HNF4A: variants seen among roughly 807,000 people sequenced by gnomAD.
The protein encoded by HNF4A is hepatocyte nuclear factor 4 alpha, also known as hepatocyte nuclear factor 4-alpha.
A neutral mutation model predicts 52.4 loss-of-function variants in HNF4A; 15 were observed. The observed-to-expected ratio is 0.29, with a 90% CI of 0.19 to 0.44. The LOEUF (loss-of-function observed/expected upper bound fraction) is 0.44. Among genes scored for constraint, HNF4A ranks in the 20% least tolerant of loss-of-function variants. The probability of loss-of-function intolerance (pLI) is 1.00; values close to 1 mark genes in which losing one functional copy is unlikely to be tolerated. For synonymous variants in HNF4A, 280 were observed against 264.4 expected, an observed-to-expected ratio of 1.06 and a Z score of -0.57; for missense variants, 479 against 647.2, an observed-to-expected ratio of 0.74 and a Z score of 2.82.
intron 7 of HNF4A, among the ~76,000 whole-genome samples, chr20:44,422,131 T>C (rs2063754934): frequency 6.6e-6 from 1 of 152,076 alleles, no homozygotes; most frequent in Admixed American, 6.6e-5. Context: ...TCAGACCACC[T>C]GTCAATCCCA....
chr20:44,412,133 G>A (rs987139863), intron 3 of HNF4A, among the ~76,000 whole-genome samples: 1 of 152,172 alleles, frequency 6.6e-6, no homozygotes, highest in African/African-American at 2.4e-5. Flanking sequence ...TATTCATTGA[G>A]TACCTACTGT....
rs1166889743 is a variant in HNF4A at position 44,432,126 on chromosome 20, G to A, written c.*2461G>A. On this transcript the variant is annotated 3_prime_UTR_variant, in exon 10 of 10. Transcript: ENST00000316099. ...GCTCAGACCTCTGTCTTGGGAGAAA[G>A]GTTGAGATAAGAATGTCCCATGGAG... 6.6e-6 allele frequency: 1 copy of A among 152,158 alleles called. No homozygotes were observed. The highest frequency in any genetic ancestry group is 1.5e-5 in the Non-Finnish European group (1 of 68,032). 9.4% of individuals were successfully genotyped at this position (152,158 alleles called of 1,614,324 possible).
intron 1 of HNF4A, among the ~76,000 whole-genome samples, chr20:44,356,373 G>T (rs770629398): frequency 5.3e-5 from 8 of 152,164 alleles, no homozygotes; most frequent in Non-Finnish European, 1.2e-4. Flanking sequence ...AATATCTTGT[G>T]CGGACGTGTG....
chr20:44,403,631 A>T (rs1309813735), intron 1 of HNF4A, among the ~76,000 whole-genome samples: 1 of 152,210 alleles, frequency 6.6e-6, no homozygotes, highest in Non-Finnish European at 1.5e-5. Context: ...CCAATGGAGC[A>T]GCAGCCCTGG....
intron 1 of HNF4A, among the ~76,000 whole-genome samples, chr20:44,404,815 G>GT (rs1568720093): frequency 0.022 from 11 of 510 alleles, 1 homozygote; most frequent in East Asian, 0.05. Flanking sequence ...TGGACTGTGT[G>GT]GTGTGTGTGA....
intron 7 of HNF4A, among the ~76,000 whole-genome samples, chr20:44,421,784 TA>T (rs1303071527): frequency 6.8e-6 from 1 of 146,486 alleles, no homozygotes; most frequent in Non-Finnish European, 1.5e-5. Flanking sequence ...TATATATATA[TA>T]ATATATATTA....
At chr20:44,379,653 G>A (rs1413720332) in intron 1 of HNF4A, among the ~76,000 whole-genome samples, 1 of 151,784 alleles carries the variant, frequency 6.6e-6, no homozygotes, top group Admixed American at 6.6e-5. Context: ...CAGGGTTCAA[G>A]CGATTCTCCT....
At position 44,383,822 on chromosome 20, in the gene HNF4A, G is replaced by A. The variant is rs759870832; in HGVS notation, c.50-22236G>A. ...GCCCACCTCAGCCCCCCAAACTGCT[G>A]GGATTACAGGCATGAGCCACCGCAC... On this transcript the variant is annotated intron_variant, in intron 1 of 9. Transcript: ENST00000316673. 2.5e-4 allele frequency among the ~76,000 whole-genome samples: 38 copies of A among 151,240 alleles called. 1 individual carries two copies. The highest frequency in any genetic ancestry group is 6.6e-4 in the Admixed American group (10 of 15,106).
chr20:44,428,840 G>C (rs3818247), intron 9 of HNF4A, among the ~76,000 whole-genome samples: 4 of 151,884 alleles, frequency 2.6e-5, no homozygotes, highest in African/African-American at 9.7e-5. Context: ...TAGACAATTA[G>C]ATGAGACTAC....
rs552472519 is a variant in HNF4A at position 44,366,922 on chromosome 20, C to T, written c.49+11069C>T. 3.3e-5 allele frequency among the ~76,000 whole-genome samples: 5 copies of T among 152,260 alleles called. No homozygotes were observed. In the South Asian group the frequency reaches 8.3e-4, roughly 25 times the overall value. ...AAGTGTCTAGGGCTTGGGGGCCACA[C>T]ACTAAACCTGGCATCAGAAGGCCCA... On this transcript the variant is annotated intron_variant, in intron 1 of 9. Transcript: ENST00000316673.
chr20:44,396,638 C>G (rs1302379177), upstream of HNF4A, among the ~76,000 whole-genome samples: 1 of 152,174 alleles, frequency 6.6e-6, no homozygotes, highest in East Asian at 1.9e-4. Flanking sequence ...CTGGAGCTGT[C>G]CTGAGCAGGG....
At chr20:44,391,790 A>G (rs1035171453) in intron 1 of HNF4A, among the ~76,000 whole-genome samples, 1 of 152,218 alleles carries the variant, frequency 6.6e-6, no homozygotes, top group Non-Finnish European at 1.5e-5. Context: ...TCTGGTCTGT[A>G]TAAAGAAACC....
At chr20:44,393,522 C>G (rs2063324983) in intron 1 of HNF4A, among the ~76,000 whole-genome samples, 1 of 152,224 alleles carries the variant, frequency 6.6e-6, no homozygotes, top group African/African-American at 2.4e-5. Context: ...AGACAGACTG[C>G]CCAAGTTCCA....
At position 44,379,576 on chromosome 20, in the gene HNF4A, T is replaced by C. The variant is rs1324830100; in HGVS notation, c.49+23723T>C. Among the ~76,000 whole-genome samples, 4 of 151,942 alleles carry C rather than the reference T, an allele frequency of 2.6e-5. No individual in the cohort carries two copies. In the East Asian group the frequency reaches 7.7e-4, roughly 29 times the overall value. ...TTTGTCTTGGTTTTTTTTGGAGACA[T>C]AGTCTTGCTCTGTCGCCCAGGCTGG... On this transcript the variant is annotated intron_variant, in intron 1 of 9. Transcript: ENST00000316673.
At chr20:44,361,728 A>G (rs2062919795) in intron 1 of HNF4A, among the ~76,000 whole-genome samples, 1 of 152,040 alleles carries the variant, frequency 6.6e-6, no homozygotes, top group Non-Finnish European at 1.5e-5. Context: ...AAAAAAAACA[A>G]CTTTGCTTCA....
At chr20:44,394,561 C>G (rs1399257931) in intron 1 of HNF4A, among the ~76,000 whole-genome samples, 1 of 152,190 alleles carries the variant, frequency 6.6e-6, no homozygotes, top group Non-Finnish European at 1.5e-5. Context: ...GAACCCCAAG[C>G]TCAAAGCTGC....
Position 44,418,524 on chromosome 20 carries a change from G to A in HNF4A, c.736+12G>A. On this transcript the variant is annotated intron_variant, in intron 6 of 9. Transcript: ENST00000316099. ...CGTGCTGCTCCTAGGTGAGGCGGCT[G>A]CCTGCCCTGGCCAGGGCTCCAGGGA... 1 of 1,601,644 alleles carries A rather than the reference G, an allele frequency of 6.2e-7. No individual in the cohort carries two copies. Among genetic ancestry groups the A allele is most frequent in the Middle Eastern group, 1.7e-4 (1 of 6,022 alleles).
At chr20:44,405,966 G>A in intron 1 of HNF4A, 92 bp from the exon 2 acceptor site, 1 of 1,261,858 alleles carries the variant, frequency 7.9e-7, no homozygotes, top group Non-Finnish European at 1.1e-6. Context: ...ATCTGGCTGA[G>A]GCCGAAGCCC....
chr20:44,406,983 T>G (rs1320970537), intron 2 of HNF4A, among the ~76,000 whole-genome samples: 1 of 152,000 alleles, frequency 6.6e-6, no homozygotes, highest in Non-Finnish European at 1.5e-5. Context: ...CCTATCCCCC[T>G]CCAGAGAGAG....
Sources: gnomAD v4.1 joint callset for allele counts (sites outside exome capture counted in the v4.1 genomes callset) on GRCh38, gnomAD v4.1.1 for gene constraint, MANE v1.5 for transcripts, NCBI Gene and HGNC (gene_info 2026-07-23, HGNC 2026-07-21) for gene names.